Variants in ADGRA3 observed in about 807,000 individuals in gnomAD.
ADGRA3 encodes the protein G-protein coupled receptor 125.
ADGRA3 carries 56 observed loss-of-function variants against 119.8 expected under a neutral mutation model. That is an observed-to-expected ratio of 0.47 (90% confidence interval 0.38 to 0.58). ADGRA3 has a LOEUF of 0.58. Ranked by LOEUF, ADGRA3 falls within the 20% of genes least tolerant of loss-of-function variation. The probability of loss-of-function intolerance (pLI) is 0.00; values close to 1 mark genes in which losing one functional copy is unlikely to be tolerated. For synonymous variants in ADGRA3, 607 were observed against 623.8 expected (o/e 0.97, Z 0.40); for missense variants, 1,516 against 1,649.0 (o/e 0.92, Z 1.40).
intron 1 of ADGRA3, among the ~76,000 whole-genome samples, chr4:22,509,317 A>G (rs1719355159): frequency 6.6e-6 from 1 of 151,920 alleles, no homozygotes; most frequent in African/African-American, 2.4e-5. Context: ...CCTAGCCAAC[A>G]TGGTGAAACC....
intron 17 of ADGRA3, among the ~76,000 whole-genome samples, chr4:22,391,679 G>C (rs1714140908): frequency 1.3e-5 from 2 of 152,074 alleles, no homozygotes; most frequent in Admixed American, 1.3e-4. Context: ...ATCTTCAGTG[G>C]CTGCCCACAT....
At chr4:22,397,701 T>G (rs112449366) in intron 16 of ADGRA3, among the ~76,000 whole-genome samples, 3 of 152,204 alleles carry the variant, frequency 2.0e-5, no homozygotes, top group African/African-American at 7.2e-5. Context: ...CGAAAGTGAA[T>G]AACTTTCATG....
At chr4:22,460,624 T>C (rs550667167) in intron 3 of ADGRA3, among the ~76,000 whole-genome samples, 1 of 152,342 alleles carries the variant, frequency 6.6e-6, no homozygotes, top group East Asian at 1.9e-4. Context: ...TAAAAATGTA[T>C]TGCTCCTTGT....
At chr4:22,466,031 G>A (rs900271777) in intron 2 of ADGRA3, among the ~76,000 whole-genome samples, 7 of 152,062 alleles carry the variant, frequency 4.6e-5, no homozygotes, top group East Asian at 3.9e-4. Flanking sequence ...ACCTGTGTCC[G>A]ATTCTCCATT....
intron 1 of ADGRA3, among the ~76,000 whole-genome samples, chr4:22,493,921 T>A (rs1183453906): frequency 1.3e-5 from 2 of 151,914 alleles, no homozygotes; most frequent in Non-Finnish European, 2.9e-5. Context: ...TAAACTCTGG[T>A]GGGCCAGGCG....
chr4:22,427,908 C>T (rs900767865), intron 10 of ADGRA3, among the ~76,000 whole-genome samples: 4 of 152,042 alleles, frequency 2.6e-5, no homozygotes, highest in Admixed American at 2.0e-4. Context: ...GAGGAACAAC[C>T]GAAAGCATGA....
chr4:22,454,644 T>C (rs531488107), intron 4 of ADGRA3, among the ~76,000 whole-genome samples: 2 of 152,292 alleles, frequency 1.3e-5, no homozygotes, highest in East Asian at 3.9e-4. Context: ...TTGGTGTGTG[T>C]GTGTGGTGTA....
Position 22,477,027 on chromosome 4 carries a change from T to C in ADGRA3, c.258-3184A>G, listed in dbSNP as rs79569712. On this transcript the variant is annotated intron_variant, in intron 1 of 18. Coordinates refer to ENST00000334304, the MANE Select transcript of ADGRA3 (RefSeq NM_145290.4). ...TTTCGAAATCTCTAAAATAAGACTT[T>C]TATTTTTTTAAGTATTTTTCCTCCT... 1.6e-4 allele frequency among the ~76,000 whole-genome samples: 25 copies of C among 152,318 alleles called. No individual in the cohort carries two copies. In the East Asian group the frequency reaches 4.6e-3, roughly 28 times the overall value.
chr4:22,498,360 T>G (rs866624053), intron 1 of ADGRA3, among the ~76,000 whole-genome samples: 1 of 152,140 alleles, frequency 6.6e-6, no homozygotes, highest in South Asian at 2.1e-4. Flanking sequence ...GGCTCACACC[T>G]GTAATCCCAG....
chr4:22,473,729 A>G (rs779203724), intron 2 of ADGRA3, 43 bp downstream of exon 2: 4 of 1,099,966 alleles, frequency 3.6e-6, no homozygotes, highest in Middle Eastern at 2.2e-4. Flanking sequence ...ATGAAAATGC[A>G]TTAAACAAAA....
At chr4:22,473,103 C>G (rs1223517162) in intron 2 of ADGRA3, 2 of 151,990 alleles carry the variant, frequency 1.3e-5, no homozygotes, top group African/African-American at 4.8e-5. Flanking sequence ...GTGTTTTTCC[C>G]CTTGACATCA....
intron 1 of ADGRA3, among the ~76,000 whole-genome samples, chr4:22,487,213 TTTTTAAA>T (rs1336458630): frequency 1.8e-4 from 27 of 152,320 alleles, no homozygotes; most frequent in African/African-American, 6.0e-4. Flanking sequence ...TAGATAAGTA[TTTTTAAA>T]TGAGCAAAAT....
At chr4:22,429,519 CCT>C (rs1304842181) in intron 10 of ADGRA3, among the ~76,000 whole-genome samples, 1 of 152,116 alleles carries the variant, frequency 6.6e-6, no homozygotes, top group Non-Finnish European at 1.5e-5. Flanking sequence ...GAAAAGACCC[CCT>C]GTTACAAAGC....
At chr4:22,483,959 G>A (rs1718336072) in intron 1 of ADGRA3, among the ~76,000 whole-genome samples, 1 of 150,738 alleles carries the variant, frequency 6.6e-6, no homozygotes, top group African/African-American at 2.4e-5. Flanking sequence ...AAGAAAAACA[G>A]TTAAACTTCC....
At chr4:22,438,884 C>A (rs1465795636) in intron 7 of ADGRA3, among the ~76,000 whole-genome samples, 2 of 152,096 alleles carry the variant, frequency 1.3e-5, no homozygotes, top group Non-Finnish European at 2.9e-5. Context: ...GTAATCCCAG[C>A]TGCTTGGGAG....
rs570545447 is a variant in ADGRA3 at position 22,498,487 on chromosome 4, G to A, written c.257+17041C>T. 8.1e-5 allele frequency among the ~76,000 whole-genome samples: 12 copies of A among 147,294 alleles called. 1 individual carries two copies. The East Asian group carries it at 2.3e-3, about 28-fold the overall frequency. On this transcript the variant is annotated intron_variant, in intron 1 of 18. Coordinates refer to ENST00000334304, the MANE Select transcript of ADGRA3 (RefSeq NM_145290.4). ...TACAAAATTAGCAGGGCATGGTGGC[G>A]GGCGCCTGTAATCCTAGCTACTCGG...
At chr4:22,495,045 T>G (rs1718762281) in intron 1 of ADGRA3, among the ~76,000 whole-genome samples, 1 of 152,018 alleles carries the variant, frequency 6.6e-6, no homozygotes, top group African/African-American at 2.4e-5. Context: ...ATTATAACAA[T>G]GTACTGTAAT....
chr4:22,509,937 G>C (rs1251453196), intron 1 of ADGRA3, among the ~76,000 whole-genome samples: 1 of 149,910 alleles, frequency 6.7e-6, no homozygotes, highest in African/African-American at 2.5e-5. Context: ...GTGAACCCGG[G>C]AGGCGGAGCT....
chr4:22,456,924 T>C (rs1018971462), intron 3 of ADGRA3, among the ~76,000 whole-genome samples: 23 of 152,200 alleles, frequency 1.5e-4, no homozygotes, highest in Non-Finnish European at 3.4e-4. Flanking sequence ...CGTGGGACTT[T>C]TTCTTTTAAA....
Sources: allele counts gnomAD v4.1 joint callset (sites outside exome capture counted in the v4.1 genomes callset), GRCh38; gene constraint gnomAD v4.1.1; transcripts MANE v1.5; gene names NCBI Gene and HGNC (gene_info 2026-07-23, HGNC 2026-07-21).